TXNL4A: variants seen among roughly 807,000 people sequenced by gnomAD.
TXNL4A encodes thioredoxin-like protein 4A.
In TXNL4A, 17 loss-of-function variants were observed where a neutral mutation model predicts 14.6. The observed-to-expected ratio is 1.16, with a 90% CI of 0.80 to 1.74. The LOEUF is 1.74. TXNL4A is among the 40% of genes most tolerant of loss of function. The pLI is 0.00. For synonymous variants in TXNL4A, 83 were observed against 70.6 expected (o/e 1.18, Z -0.88); for missense variants, 74 against 195.2 (o/e 0.38, Z 3.70).
At chr18:79,996,816 G>A (rs912184900) in intron 1 of TXNL4A, among the ~76,000 whole-genome samples, 1 of 152,182 alleles carries the variant, frequency 6.6e-6, no homozygotes, top group Non-Finnish European at 1.5e-5. Flanking sequence ...GGTAGCGCAT[G>A]CCTGTAATCC....
At chr18:80,013,743 C>T (rs2051787973) in intron 1 of TXNL4A, among the ~76,000 whole-genome samples, 1 of 152,244 alleles carries the variant, frequency 6.6e-6, no homozygotes, top group African/African-American at 2.4e-5. Flanking sequence ...TGCACCCAGC[C>T]TACTTCTGTT....
chr18:80,024,166 G>A (rs994213832), intron 1 of TXNL4A, among the ~76,000 whole-genome samples: 2 of 151,206 alleles, frequency 1.3e-5, no homozygotes, highest in African/African-American at 4.9e-5. Flanking sequence ...AGCTGGGGGG[G>A]TCTGAGGTTT....
intron 1 of TXNL4A, among the ~76,000 whole-genome samples, chr18:80,023,849 C>T (rs1436004470): frequency 6.6e-6 from 1 of 152,228 alleles, no homozygotes; most frequent in Admixed American, 6.5e-5. Flanking sequence ...CTCAATATCC[C>T]ACCCTTTCCC....
intron 1 of TXNL4A, among the ~76,000 whole-genome samples, chr18:80,000,654 T>C (rs1045140305): frequency 2.6e-5 from 4 of 152,124 alleles, no homozygotes; most frequent in Non-Finnish European, 5.9e-5. Context: ...ATTTTTTGTT[T>C]GTTTGTTTTG....
At chr18:79,990,718 A>C (rs2051621485), upstream of TXNL4A, among the ~76,000 whole-genome samples, 1 of 152,258 alleles carries the variant, frequency 6.6e-6, no homozygotes, top group Admixed American at 6.5e-5. Flanking sequence ...GTTACTTATA[A>C]CAAGATTTAT....
At chr18:79,994,687 ACAACT>A (rs2145097841) in intron 1 of TXNL4A, among the ~76,000 whole-genome samples, 1 of 152,202 alleles carries the variant, frequency 6.6e-6, no homozygotes, top group Non-Finnish European at 1.5e-5. Flanking sequence ...AGGCCAACAA[ACAACT>A]CAGAACTGCC....
rs1445169904 is a variant in TXNL4A at position 79,973,766 on chromosome 18, G to C, written c.348C>G (p.Ile116Met). ...TGCGGGCCCCGCGGTACACCGTCTC[G>C]ATGATGTCCACCATCTCCTGCTTGT... is the stretch of plus-strand genomic sequence containing the variant. ...MEDKQEMVDI[I>M]ETVYRGARKG... The change falls in exon 3 of 3, where the codon ATC becomes ATG. Residue 116 changes from isoleucine (I) to methionine (M), a missense_variant. By Grantham distance (10) the Ile-to-Met change is conservative. This residue lies in a region of TXNL4A where 19 missense variants were observed against 60.6 expected (regional missense o/e 0.31). Coordinates refer to ENST00000269601, the MANE Select transcript of TXNL4A (RefSeq NM_006701.5). The C allele has an allele frequency of 6.2e-7, 1 of 1,614,172 alleles. No homozygotes were observed. The highest frequency in any genetic ancestry group is 8.5e-7 in the Non-Finnish European group (1 of 1,180,036).
chr18:80,004,492 G>A (rs1045606675), intron 1 of TXNL4A, among the ~76,000 whole-genome samples: 6 of 152,210 alleles, frequency 3.9e-5, no homozygotes, highest in African/African-American at 1.4e-4. Flanking sequence ...GAAGGGCAGA[G>A]ATATGTTCCT....
chr18:79,972,373 A>T lies in TXNL4A; in HGVS notation c.*1312T>A, dbSNP rs914562324. The T allele has an allele frequency of 6.6e-6, 1 of 152,382 alleles. No homozygotes were observed. The highest frequency in any genetic ancestry group is 2.4e-5 in the African/African-American group (1 of 41,452). 9.4% of individuals were successfully genotyped at this position (152,382 alleles called of 1,614,324 possible). ...TTCCTCACTTTCACTTCAGAGCTCG[A>T]GTGTGCTGAGACGGGACACGAAGAT... On this transcript the variant is annotated 3_prime_UTR_variant, in exon 3 of 3. Coordinates refer to ENST00000269601, the MANE Select transcript of TXNL4A (RefSeq NM_006701.5).
At chr18:79,986,053 T>A (rs2051542450) in intron 1 of TXNL4A, among the ~76,000 whole-genome samples, 1 of 152,134 alleles carries the variant, frequency 6.6e-6, no homozygotes, top group East Asian at 1.9e-4. Flanking sequence ...TTTTTTTTTT[T>A]TTGGAGACAG....
chr18:79,991,779 G>A (rs544649049), upstream of TXNL4A, among the ~76,000 whole-genome samples: 24 of 152,258 alleles, frequency 1.6e-4, no homozygotes, highest in African/African-American at 5.1e-4. Context: ...TATGTACCTC[G>A]TGAACCCCAA....
chr18:80,012,239 G>A (rs1335752400), intron 1 of TXNL4A, among the ~76,000 whole-genome samples: 1 of 152,108 alleles, frequency 6.6e-6, no homozygotes, highest in Non-Finnish European at 1.5e-5. Context: ...CCTATTCCTG[G>A]TTTTTCTAAT....
At chr18:79,984,754 A>T (rs2051518276) in intron 1 of TXNL4A, among the ~76,000 whole-genome samples, 1 of 152,210 alleles carries the variant, frequency 6.6e-6, no homozygotes, top group African/African-American at 2.4e-5. Context: ...GGTTACAGGC[A>T]CATGCTACAA....
chr18:80,021,629 T>C (rs967147575), intron 1 of TXNL4A, among the ~76,000 whole-genome samples: 2 of 152,218 alleles, frequency 1.3e-5, no homozygotes, highest in East Asian at 1.9e-4. Flanking sequence ...ACTGGATGGA[T>C]TGGAACTATA....
intron 1 of TXNL4A, among the ~76,000 whole-genome samples, chr18:80,017,203 C>A (rs552708429): frequency 1.4e-3 from 216 of 152,116 alleles, no homozygotes; most frequent in African/African-American, 5.0e-3. Context: ...GATTTTTGTA[C>A]ATTGATTTTG....
chr18:79,992,876 TAAAAAAAAAAAAA>T (rs59567705), upstream of TXNL4A, among the ~76,000 whole-genome samples: 705 of 78,642 alleles, frequency 9.0e-3, 6 homozygotes, highest in African/African-American at 0.031. Context: ...TCATCTTATG[TAAAAAAAAAAAAA>T]AAAAAAAAAA....
At chr18:79,990,436 TCA>T (rs892227675), upstream of TXNL4A, among the ~76,000 whole-genome samples, 21 of 152,336 alleles carry the variant, frequency 1.4e-4, no homozygotes, top group African/African-American at 5.0e-4. Context: ...TCAACAAACT[TCA>T]GTTTCCTCAT....
chr18:79,987,339 T>A (rs2051566694), intron 1 of TXNL4A, among the ~76,000 whole-genome samples: 1 of 152,242 alleles, frequency 6.6e-6, no homozygotes, highest in Admixed American at 6.5e-5. Flanking sequence ...TGTCCTTACA[T>A]CTGTTACTCT....
chr18:80,019,399 C>T (rs182762567), intron 1 of TXNL4A, among the ~76,000 whole-genome samples: 25 of 152,274 alleles, frequency 1.6e-4, no homozygotes, highest in Non-Finnish European at 3.4e-4. Flanking sequence ...ATCATGAGAA[C>T]AGCACAGGAA....
Sources: gnomAD v4.1 joint callset for allele counts (sites outside exome capture counted in the v4.1 genomes callset) on GRCh38, gnomAD v4.1.1 for gene constraint, gnomAD v4.1.1 regional missense constraint, MANE v1.5 for transcripts, NCBI Gene and HGNC (gene_info 2026-07-23, HGNC 2026-07-21) for gene names.